Variants in SGCG observed in about 807,000 individuals in gnomAD.
SGCG encodes the protein gamma-sarcoglycan.
SGCG carries 26 observed loss-of-function variants against 29.3 expected under a neutral mutation model. The observed-to-expected ratio is 0.89, with a 90% confidence interval of 0.65 to 1.23. SGCG has a LOEUF of 1.23. Ranked by LOEUF, SGCG falls within the 50% of genes most tolerant of loss-of-function variation. The pLI is 0.00. For synonymous variants in SGCG, 145 were observed against 129.7 expected, an observed-to-expected ratio of 1.12 and a Z score of -0.80; for missense variants, 353 against 356.0, an observed-to-expected ratio of 0.99 and a Z score of 0.07.
chr13:23,238,348 C>T (rs1041100726), intron 3 of SGCG, among the ~76,000 whole-genome samples: 1 of 152,178 alleles, frequency 6.6e-6, no homozygotes, highest in Non-Finnish European at 1.5e-5. Context: ...ATCCCACCCC[C>T]ACCAAGTCTA....
upstream of SGCG, chr13:23,180,928 G>C (rs1396817384): frequency 6.6e-6 from 1 of 152,184 alleles, no homozygotes; most frequent in African/African-American, 2.4e-5. Context: ...GGCGAAACTC[G>C]TGAGAGCCCT....
intron 4 of SGCG, among the ~76,000 whole-genome samples, chr13:23,273,470 C>T (rs527322270): frequency 1.3e-5 from 2 of 152,338 alleles, no homozygotes; most frequent in Admixed American, 1.3e-4. Flanking sequence ...CAGATGTGAG[C>T]TACCACGCCC....
upstream of SGCG, among the ~76,000 whole-genome samples, chr13:23,179,948 G>T (rs1876675463): frequency 6.6e-6 from 1 of 152,068 alleles, no homozygotes; most frequent in Admixed American, 6.6e-5. Flanking sequence ...ATATCACCAG[G>T]ATTTGATGTA....
At chr13:23,290,458 A>G (rs555935815) in intron 5 of SGCG, among the ~76,000 whole-genome samples, 4 of 152,246 alleles carry the variant, frequency 2.6e-5, no homozygotes, top group African/African-American at 4.8e-5. Context: ...AAGAGAGACT[A>G]TTTTCTCAGA....
intron 1 of SGCG, among the ~76,000 whole-genome samples, chr13:23,192,968 C>G (rs900956045): frequency 6.6e-6 from 1 of 152,038 alleles, no homozygotes; most frequent in African/African-American, 2.4e-5. Context: ...TAATGAGGAC[C>G]AGGCAATAAA....
intron 1 of SGCG, among the ~76,000 whole-genome samples, chr13:23,191,919 C>T (rs1877274815): frequency 6.6e-6 from 1 of 152,144 alleles, no homozygotes; most frequent in Non-Finnish European, 1.5e-5. Context: ...GGCGCGGTGG[C>T]TCACGCCTGT....
At chr13:23,219,204 C>T (rs12184575) in intron 2 of SGCG, among the ~76,000 whole-genome samples, 37,524 of 151,622 alleles carry the variant, frequency 0.25, 5,226 homozygotes, top group South Asian at 0.31. Flanking sequence ...CCTGCCACCT[C>T]GCCTGGCTAA....
intron 2 of SGCG, among the ~76,000 whole-genome samples, chr13:23,233,004 T>C (rs1879167428): frequency 1.3e-5 from 2 of 152,318 alleles, no homozygotes; most frequent in Middle Eastern, 3.4e-3. Context: ...GTAAACAGTA[T>C]GGCAGTTCTC....
chr13:23,173,445 C>G, the SGCG span, among the ~76,000 whole-genome samples: 1 of 151,950 alleles, frequency 6.6e-6, no homozygotes, highest in Non-Finnish European at 1.5e-5. Context: ...AGGAGTGTTT[C>G]TTACACAAAT....
chr13:23,268,797 C>G (rs1268183697), intron 4 of SGCG: 2 of 151,952 alleles, frequency 1.3e-5, no homozygotes, highest in Non-Finnish European at 2.9e-5. Flanking sequence ...GTATAATGAA[C>G]CCAGGGCTGC....
At chr13:23,322,785 C>CCCCCCCCG (rs1883100257) in intron 7 of SGCG, among the ~76,000 whole-genome samples, 1 of 115,238 alleles carries the variant, frequency 8.7e-6, no homozygotes, top group Admixed American at 8.1e-5. Flanking sequence ...CCCCCCCCCC[C>CCCCCCCCG]CCCCGCCAAC....
chr13:23,199,169 T>C (rs1356208250), intron 1 of SGCG, among the ~76,000 whole-genome samples: 1 of 151,996 alleles, frequency 6.6e-6, no homozygotes, highest in Non-Finnish European at 1.5e-5. Flanking sequence ...GCAGGAGAAA[T>C]AATGTAATTT....
At chr13:23,212,084 C>T (rs116629019) in intron 2 of SGCG, among the ~76,000 whole-genome samples, 205 of 152,190 alleles carry the variant, frequency 1.3e-3, no homozygotes, top group African/African-American at 4.1e-3. Context: ...CCATGTAAGA[C>T]GTGCTTGCTA....
chr13:23,215,367 A>G (rs1027377482), intron 2 of SGCG, among the ~76,000 whole-genome samples: 1 of 152,186 alleles, frequency 6.6e-6, no homozygotes, highest in African/African-American at 2.4e-5. Flanking sequence ...TTACAAACCA[A>G]CTAATCTTAT....
At chr13:23,212,657 G>T (rs1241311518) in intron 2 of SGCG, among the ~76,000 whole-genome samples, 1 of 152,154 alleles carries the variant, frequency 6.6e-6, no homozygotes, top group Non-Finnish European at 1.5e-5. Context: ...AATTAGACAG[G>T]ATGTGAAAGC....
intron 2 of SGCG, among the ~76,000 whole-genome samples, chr13:23,219,125 G>A (rs12184771): frequency 0.24 from 35,744 of 150,362 alleles, 4,800 homozygotes; most frequent in South Asian, 0.31. Context: ...TCAGCTCACT[G>A]CAAGCTCTGC....
At chr13:23,233,982 T>G (rs115587199) in intron 2 of SGCG, among the ~76,000 whole-genome samples, 1 of 152,172 alleles carries the variant, frequency 6.6e-6, no homozygotes, top group African/African-American at 2.4e-5. Flanking sequence ...GGGCATGAAT[T>G]GGGAAATGCC....
At chr13:23,279,534 C>G in intron 5 of SGCG, 56 bp downstream of exon 5, 1 of 1,551,598 alleles carries the variant, frequency 6.4e-7, no homozygotes, top group Non-Finnish European at 8.9e-7. Flanking sequence ...TCTGCAAAAA[C>G]ACATTGTACT....
chr13:23,255,564 G>A (rs1434523195), intron 4 of SGCG, among the ~76,000 whole-genome samples: 1 of 152,136 alleles, frequency 6.6e-6, no homozygotes, highest in African/African-American at 2.4e-5. Context: ...CAAGTTGCAT[G>A]TTGAAACGTA....
Sources: gnomAD v4.1 joint callset for allele counts (sites outside exome capture counted in the v4.1 genomes callset) on GRCh38, gnomAD v4.1.1 for gene constraint, MANE v1.5 for transcripts, NCBI Gene and HGNC (gene_info 2026-07-23, HGNC 2026-07-21) for gene names.